Variants in CNTNAP5 observed in about 807,000 individuals in gnomAD.
The protein encoded by CNTNAP5 is contactin associated protein family member 5.
A neutral mutation model predicts 150.2 loss-of-function variants in CNTNAP5; 72 were observed. The ratio of observed to expected loss-of-function variants is 0.48; its 90% CI spans 0.40 to 0.58. CNTNAP5 has a LOEUF of 0.58. Ranked by LOEUF, CNTNAP5 falls within the 20% of genes least tolerant of loss-of-function variation. CNTNAP5 has a pLI of 0.00. For missense variants in CNTNAP5, 1,636 were observed against 1,626.2 expected, an observed-to-expected ratio of 1.01 and a Z score of -0.10; for synonymous variants, 672 against 619.8, an observed-to-expected ratio of 1.08 and a Z score of -1.25.
In CNTNAP5 at chr2:124,697,779, T is replaced by TTA. The variant is rs1383360543; in HGVS notation, c.2078-49440_2078-49439dup. On this transcript the variant is annotated intron_variant, in intron 13 of 23. Coordinates refer to ENST00000682447, the MANE Select transcript of CNTNAP5 (RefSeq NM_001367498.1). ...CTGTTAATATCCTTGCACAATTACT[T>TTA]TATATATATATTTGCAAACATCTAC... 2.0e-5 allele frequency among the ~76,000 whole-genome samples: 3 copies of TTA among 152,232 alleles called. No individual in the cohort carries two copies. The East Asian group carries it at 5.8e-4, about 29-fold the overall frequency.
chr2:124,442,048 A>T (rs1692687220), intron 5 of CNTNAP5, among the ~76,000 whole-genome samples: 1 of 152,200 alleles, frequency 6.6e-6, no homozygotes, highest in South Asian at 2.1e-4. Flanking sequence ...AAAGGTAGTC[A>T]CTATTTAAGA....
chr2:124,636,582 T>C (rs1201920374), intron 12 of CNTNAP5, among the ~76,000 whole-genome samples: 4 of 152,180 alleles, frequency 2.6e-5, no homozygotes, highest in African/African-American at 7.2e-5. Flanking sequence ...ATGATTGTAA[T>C]TTAGTTTAAA....
chr2:124,496,262 G>T (rs1170688491), intron 7 of CNTNAP5, among the ~76,000 whole-genome samples: 1 of 152,124 alleles, frequency 6.6e-6, no homozygotes, highest in Non-Finnish European at 1.5e-5. Context: ...GAGCTCACAG[G>T]GCAGTCTTTT....
chr2:124,456,242 C>T (rs74761847), intron 6 of CNTNAP5, among the ~76,000 whole-genome samples: 3,300 of 152,144 alleles, frequency 0.022, 73 homozygotes, highest in African/African-American at 0.053. Flanking sequence ...ATCAATGTAG[C>T]TCTTCTGTAC....
In CNTNAP5 at chr2:124,266,970, A is replaced by T. The variant is rs1051927783; in HGVS notation, c.381+24577A>T. On this transcript the variant is annotated intron_variant, in intron 3 of 23. Coordinates refer to ENST00000682447, the MANE Select transcript of CNTNAP5 (RefSeq NM_001367498.1). ...ATTATGTGGGAAAGATAGATGAGAG[A>T]TTTTTTTTTTTTTTACAATGCTGGG... Among the ~76,000 whole-genome samples, 19 of 148,766 alleles carry T rather than the reference A, an allele frequency of 1.3e-4. No individual in the cohort carries two copies. In the South Asian group the frequency reaches 3.4e-3, roughly 27 times the overall value.
At chr2:124,373,231 G>A (rs994604940) in intron 3 of CNTNAP5, among the ~76,000 whole-genome samples, 1 of 152,132 alleles carries the variant, frequency 6.6e-6, no homozygotes, top group African/African-American at 2.4e-5. Context: ...ATGATGACGA[G>A]AACTATTATT....
intron 2 of CNTNAP5, among the ~76,000 whole-genome samples, chr2:124,227,191 C>A (rs1205388691): frequency 6.6e-6 from 1 of 152,154 alleles, no homozygotes; most frequent in Non-Finnish European, 1.5e-5. Context: ...TTGTTCAATA[C>A]ACTGAGCCAT....
rs1175852475 is a variant in CNTNAP5 at position 124,914,159 on chromosome 2, G to A, written c.3795G>A (p.Gln1265=). 4 of 1,612,612 alleles carry A rather than the reference G, an allele frequency of 2.5e-6. No homozygotes were observed. The highest frequency in any genetic ancestry group is 2.2e-5 in the East Asian group (1 of 44,786). The part of the protein sequence containing the change: ...IIGIMTRFLY[Q]HKQSHRTSQM... ...GCATCATGACCCGGTTCCTCTACCA[G>A]CACAAGCAGTCACATCGTACGAGCC... is the stretch of plus-strand genomic sequence containing the variant. Residue 1265 remains glutamine, a synonymous_variant, in exon 24 of 24, where the codon CAG becomes CAA. Transcript: ENST00000682447.
chr2:124,473,054 C>T (rs1239084067), intron 6 of CNTNAP5, among the ~76,000 whole-genome samples: 1 of 151,746 alleles, frequency 6.6e-6, no homozygotes, highest in African/African-American at 2.4e-5. Flanking sequence ...GAAAATATAC[C>T]AGCAGCAATA....
At chr2:124,624,779 A>G (rs1449283657) in intron 12 of CNTNAP5, among the ~76,000 whole-genome samples, 1 of 152,188 alleles carries the variant, frequency 6.6e-6, no homozygotes, top group Non-Finnish European at 1.5e-5. Flanking sequence ...AAAGTACACA[A>G]GGAGGCTGGG....
chr2:124,197,740 G>C (rs1685622903), intron 1 of CNTNAP5, among the ~76,000 whole-genome samples: 1 of 152,090 alleles, frequency 6.6e-6, no homozygotes, highest in African/African-American at 2.4e-5. Context: ...CCAGCACTTT[G>C]GGAGCCTGAG....
rs140846958 is a variant in CNTNAP5 at position 124,488,917 on chromosome 2, G to A, written c.1062+14035G>A. 5.2e-4 allele frequency among the ~76,000 whole-genome samples: 79 copies of A among 152,200 alleles called. No individual in the cohort carries two copies. The East Asian group carries it at 6.4e-3, about 12-fold the overall frequency. On this transcript the variant is annotated intron_variant, in intron 7 of 23. Transcript: ENST00000682447. ...TAGAGTGTTTGAAGATTGTCTTCAC[G>A]TGTCTCCCTCCACTAAATGTTTTCT...
chr2:124,543,125 T>G (rs536165604), intron 10 of CNTNAP5, among the ~76,000 whole-genome samples: 3 of 152,278 alleles, frequency 2.0e-5, no homozygotes, highest in Admixed American at 1.3e-4. Context: ...GAGCCAGCTG[T>G]CATCATTCAC....
intron 20 of CNTNAP5, among the ~76,000 whole-genome samples, chr2:124,866,512 C>T (rs1453008506): frequency 3.3e-5 from 5 of 152,112 alleles, no homozygotes; most frequent in Non-Finnish European, 7.3e-5. Context: ...GGCATCAGTA[C>T]TTACTTCCTG....
rs146409155 is a variant in CNTNAP5, at chr2:124,914,341, C to T, written c.*53C>T. ...TTTCTTGTTGTTCAATTATCTCCTC[C>T]CCCTCTTCTCTCCTGTCTTTTGATT... On this transcript the variant is annotated 3_prime_UTR_variant, in exon 24 of 24. Coordinates refer to ENST00000682447, the MANE Select transcript of CNTNAP5 (RefSeq NM_001367498.1). 925 of 1,255,324 alleles carry T rather than the reference C, an allele frequency of 7.4e-4. 6 individuals are homozygous for T. The African/African-American group carries it at 0.012, about 17-fold the overall frequency. The allele number at this position is 1,255,324 out of a possible 1,614,324, so 77.8% of individuals were successfully genotyped here.
At chr2:124,362,810 A>T (rs1043041321) in intron 3 of CNTNAP5, among the ~76,000 whole-genome samples, 1 of 152,192 alleles carries the variant, frequency 6.6e-6, no homozygotes, top group Admixed American at 6.5e-5. Context: ...AATGGATTTT[A>T]CGCCTCATGA....
intron 1 of CNTNAP5, among the ~76,000 whole-genome samples, chr2:124,045,508 G>A (rs921887496): frequency 6.6e-6 from 1 of 151,808 alleles, no homozygotes; most frequent in Non-Finnish European, 1.5e-5. Context: ...ATGTTGGTCA[G>A]GCTGGTCTTG....
At position 124,454,255 on chromosome 2, in the gene CNTNAP5, T is replaced by C. The variant is rs187802987; in HGVS notation, c.918+7318T>C. On this transcript the variant is annotated intron_variant, in intron 6 of 23. Transcript: ENST00000682447. ...AAAAGTGAGCAGGTGTAGCTATTCT[T>C]ATATTAGACAAAACAGACTTTAAAG... Among the ~76,000 whole-genome samples the C allele has an allele frequency of 5.3e-5, 8 of 152,290 alleles. No individual in the cohort carries two copies. The East Asian group carries it at 1.5e-3, about 29-fold the overall frequency.
intron 3 of CNTNAP5, among the ~76,000 whole-genome samples, chr2:124,326,452 T>G (rs2104674717): frequency 6.6e-6 from 1 of 152,294 alleles, no homozygotes; most frequent in Admixed American, 6.5e-5. Flanking sequence ...CAACTATGAT[T>G]AAAAAGCCTG....
Sources: allele counts gnomAD v4.1 joint callset (sites outside exome capture counted in the v4.1 genomes callset), GRCh38; gene constraint gnomAD v4.1.1; transcripts MANE v1.5; gene names NCBI Gene and HGNC (gene_info 2026-07-23, HGNC 2026-07-21).